The following PRKG1 variants were observed in gnomAD, a reference collection of about 807,000 sequenced individuals.
PRKG1 encodes the protein protein kinase cGMP-dependent 1, also known as cGMP-dependent protein kinase 1.
A neutral mutation model predicts 88.1 loss-of-function variants in PRKG1; 35 were observed. That is an observed-to-expected ratio of 0.40 (90% CI 0.30 to 0.53). The LOEUF is 0.53. PRKG1 is among the 20% of genes least tolerant of loss of function. The probability of loss-of-function intolerance (pLI) is 0.59; values close to 1 mark genes in which losing one functional copy is unlikely to be tolerated. For missense variants in PRKG1, 540 were observed against 839.8 expected (o/e 0.64, Z 4.41); for synonymous variants, 303 against 292.5 (o/e 1.04, Z -0.37).
chr10:51,481,258 G>GTCTT (rs1241485255), intron 3 of PRKG1, among the ~76,000 whole-genome samples: 7 of 143,320 alleles, frequency 4.9e-5, no homozygotes, highest in South Asian at 2.2e-4. Flanking sequence ...GTCTCTTTCT[G>GTCTT]TCTTTCTTTC....
At chr10:52,117,759 A>G (rs979402087) in intron 7 of PRKG1, among the ~76,000 whole-genome samples, 16 of 152,008 alleles carry the variant, frequency 1.1e-4, no homozygotes, top group African/African-American at 3.9e-4. Context: ...CTTGAATGTA[A>G]TTATTTTTTC....
intron 3 of PRKG1, among the ~76,000 whole-genome samples, chr10:51,721,233 GA>G (rs1357867444): frequency 0.02 from 2,695 of 136,900 alleles, 85 homozygotes; most frequent in African/African-American, 0.072. Flanking sequence ...AAAAAAAAAA[GA>G]AAAAAAAAGT....
At chr10:51,556,171 A>C (rs1837304692) in intron 3 of PRKG1, among the ~76,000 whole-genome samples, 1 of 151,996 alleles carries the variant, frequency 6.6e-6, no homozygotes. Flanking sequence ...AATAATACCA[A>C]ATATGAATAA....
rs902336329 is a variant in PRKG1 at position 52,161,918 on chromosome 10, A to G, written c.1031A>G (p.Asp344Gly). 12 of 1,612,616 alleles carry G rather than the reference A, an allele frequency of 7.4e-6. No homozygotes were observed. Among genetic ancestry groups the G allele is most frequent in the Admixed American group, 3.3e-5 (2 of 59,954 alleles). Residue 344 changes from aspartate to glycine, a missense_variant, in exon 9 of 18, where the codon GAT (aspartate) becomes GGT (glycine). Asp to Gly is a moderately conservative substitution (Grantham distance 94, BLOSUM62 -1). Transcript: ENST00000373980. ...DSFKHLIGGL[D>G]DVSNKAYEDA... The stretch of plus-strand genomic sequence containing the variant: ...TTTAAACATTTGATTGGAGGGCTGG[A>G]TGATGTTTCTAATAAAGCATATGAA...
intron 3 of PRKG1, among the ~76,000 whole-genome samples, chr10:51,600,025 T>C (rs190214957): frequency 2.0e-5 from 3 of 152,332 alleles, no homozygotes; most frequent in African/African-American, 7.2e-5. Context: ...TAACAGTTGA[T>C]TTATTTTGGT....
chr10:52,158,199 G>T (rs1406478203), intron 8 of PRKG1, among the ~76,000 whole-genome samples: 1 of 151,590 alleles, frequency 6.6e-6, no homozygotes, highest in African/African-American at 2.4e-5. Flanking sequence ...TGATTTTTCT[G>T]TAGTCACCTA....
intron 8 of PRKG1, among the ~76,000 whole-genome samples, chr10:52,146,529 A>G (rs1354547319): frequency 6.6e-6 from 1 of 152,218 alleles, no homozygotes; most frequent in African/African-American, 2.4e-5. Context: ...TAAGCTTCAC[A>G]TAGCCAAACT....
intron 3 of PRKG1, among the ~76,000 whole-genome samples, chr10:51,782,782 G>A (rs560571776): frequency 1.3e-5 from 2 of 152,158 alleles, no homozygotes; most frequent in Non-Finnish European, 2.9e-5. Flanking sequence ...TGTAAGACGG[G>A]ACTAGCTCCT....
At chr10:51,283,306 A>G (rs773936270) in intron 2 of PRKG1, among the ~76,000 whole-genome samples, 5 of 152,086 alleles carry the variant, frequency 3.3e-5, no homozygotes, top group Non-Finnish European at 7.4e-5. Context: ...AAAGCCTACT[A>G]GTTACTTGGA....
At chr10:51,138,402 A>C (rs1229914062) in intron 1 of PRKG1, among the ~76,000 whole-genome samples, 1 of 152,196 alleles carries the variant, frequency 6.6e-6, no homozygotes, top group African/African-American at 2.4e-5. Flanking sequence ...ATGAGTCAAC[A>C]TATGATTAAT....
chr10:52,025,661 T>C (rs189874844), intron 5 of PRKG1, among the ~76,000 whole-genome samples: 4 of 151,612 alleles, frequency 2.6e-5, no homozygotes. Flanking sequence ...ATTTCTGAGG[T>C]CTCTGTTCTG....
chr10:51,970,607 C>T (rs1191613419), intron 5 of PRKG1, among the ~76,000 whole-genome samples: 2 of 149,418 alleles, frequency 1.3e-5, no homozygotes, highest in African/African-American at 4.9e-5. Flanking sequence ...ATCCTTGTTT[C>T]ATTTGTACTT....
chr10:52,105,667 G>A (rs980147841), intron 7 of PRKG1, among the ~76,000 whole-genome samples: 6 of 151,788 alleles, frequency 4.0e-5, no homozygotes, highest in Non-Finnish European at 5.9e-5. Flanking sequence ...GTGCAGGTTC[G>A]TTACGTAAGT....
At chr10:51,016,133 T>A (rs1214934819) in intron 1 of PRKG1, among the ~76,000 whole-genome samples, 1 of 152,320 alleles carries the variant, frequency 6.6e-6, no homozygotes, top group South Asian at 2.1e-4. Context: ...AATTTAGCAA[T>A]CACTTAATAA....
chr10:51,949,950 T>C (rs532125272), intron 5 of PRKG1, among the ~76,000 whole-genome samples: 1 of 152,180 alleles, frequency 6.6e-6, no homozygotes, highest in African/African-American at 2.4e-5. Context: ...TGGGTGAAGA[T>C]TTCAAGGAAA....
At chr10:51,900,667 GT>G (rs1841960582) in intron 4 of PRKG1, among the ~76,000 whole-genome samples, 1 of 152,104 alleles carries the variant, frequency 6.6e-6, no homozygotes, top group South Asian at 2.1e-4. Context: ...TTGGTTGAAA[GT>G]TTGAATTTTA....
intron 5 of PRKG1, among the ~76,000 whole-genome samples, chr10:51,986,053 CTGGGAGCTGTGGCTCACTCT>C (rs1844149605): frequency 2.6e-5 from 4 of 152,160 alleles, no homozygotes; most frequent in African/African-American, 7.2e-5. Flanking sequence ...GCATGGCTGA[CTGGGAGCTGTGGCTCACTCT>C]CACTGTCCAG....
At chr10:52,122,569 G>C (rs1033680431) in intron 7 of PRKG1, among the ~76,000 whole-genome samples, 6 of 152,062 alleles carry the variant, frequency 3.9e-5, no homozygotes, top group East Asian at 1.9e-4. Flanking sequence ...ATAGATATAA[G>C]AGGAATCTAC....
chr10:51,639,567 CAA>C (rs1839747715), intron 3 of PRKG1, among the ~76,000 whole-genome samples: 1 of 148,244 alleles, frequency 6.7e-6, no homozygotes, highest in African/African-American at 2.5e-5. Context: ...TCCTGGAAGC[CAA>C]ATTTTAAAAC....
Sources: gnomAD v4.1 joint callset for allele counts (sites outside exome capture counted in the v4.1 genomes callset) on GRCh38, gnomAD v4.1.1 for gene constraint, MANE v1.5 for transcripts, NCBI Gene and HGNC (gene_info 2026-07-23, HGNC 2026-07-21) for gene names.